The following PA2G4 variants were observed in gnomAD, a reference collection of about 807,000 sequenced individuals.
PA2G4 encodes proliferation-associated protein 2G4.
A neutral mutation model predicts 53.3 loss-of-function variants in PA2G4; 8 were observed. The ratio of observed to expected loss-of-function variants is 0.15; its 90% CI spans 0.09 to 0.27. The LOEUF is 0.27. PA2G4 is among the 10% of genes least tolerant of loss of function. The probability of loss-of-function intolerance (pLI) is 1.00; values close to 1 mark genes in which losing one functional copy is unlikely to be tolerated. For synonymous variants in PA2G4, 143 were observed against 169.8 expected, an observed-to-expected ratio of 0.84 and a Z score of 1.23; for missense variants, 208 against 486.8, an observed-to-expected ratio of 0.43 and a Z score of 5.39.
chr12:56,111,419 T>C, intron 11 of PA2G4, 57 bp from the exon 12 acceptor site: 1 of 1,606,822 alleles, frequency 6.2e-7, no homozygotes, highest in Admixed American at 1.7e-5. Flanking sequence ...AGTAACCCTT[T>C]ATTTTTAATT....
chr12:56,108,486 A>C (rs1245360552), intron 5 of PA2G4, among the ~76,000 whole-genome samples: 1 of 152,218 alleles, frequency 6.6e-6, no homozygotes, highest in Admixed American at 6.5e-5. Context: ...GTACCCATAC[A>C]ACCATTCTGT....
Position 56,112,808 on chromosome 12 carries a change from T to A in PA2G4, c.1120-15T>A. 6.4e-7 allele frequency: 1 copy of A among 1,560,592 alleles called. No homozygotes were observed. The highest frequency in any genetic ancestry group is 1.2e-5 in the South Asian group (1 of 85,576). On this transcript the variant is annotated splice_polypyrimidine_tract_variant and intron_variant, in intron 12 of 12. Coordinates refer to ENST00000303305, the MANE Select transcript of PA2G4 (RefSeq NM_006191.3). Reference sequence around the variant, plus strand: ...AAACTGACAGGTCTTCTCCCTCTCCTTTTCTTGCATATAGGCCTCCAAGAC... The same window carrying A: ...AAACTGACAGGTCTTCTCCCTCTCCATTTCTTGCATATAGGCCTCCAAGAC...
At chr12:56,112,079 G>A (rs953458891) in intron 12 of PA2G4, among the ~76,000 whole-genome samples, 12 of 152,098 alleles carry the variant, frequency 7.9e-5, no homozygotes, top group African/African-American at 2.4e-4. Context: ...GCACCATTGC[G>A]CTCCGGCCTG....
rs1297022321 is a variant in PA2G4, at chr12:56,113,066, T to C, written c.*178T>C. The C allele has an allele frequency of 4.2e-6, 2 of 475,962 alleles. No homozygotes were observed. The highest frequency in any genetic ancestry group is 7.3e-6 in the Non-Finnish European group (2 of 272,996). 29.5% of individuals were successfully genotyped at this position (475,962 alleles called of 1,614,324 possible). A position where few individuals can be genotyped will look rare whatever the true frequency, so the allele number is the denominator to read the frequency against. Reference sequence around the variant, plus strand: ...CCAACAACAACCAGCTCCAACTGACTCTGGTCTTGGGAGGTGAGGCTTCCC... The same window carrying C: ...CCAACAACAACCAGCTCCAACTGACCCTGGTCTTGGGAGGTGAGGCTTCCC... On this transcript the variant is annotated 3_prime_UTR_variant, in exon 13 of 13. Transcript: ENST00000303305.
chr12:56,113,549 G>T lies in PA2G4; in HGVS notation c.*661G>T. 2.8e-6 allele frequency: 1 copy of T among 362,256 alleles called. No individual in the cohort carries two copies. Among genetic ancestry groups the T allele is most frequent in the Non-Finnish European group, 4.9e-6 (1 of 202,414 alleles). The allele number at this position is 362,256 out of a possible 1,614,324, so 22.4% of individuals were successfully genotyped here. A position where few individuals can be genotyped will look rare whatever the true frequency, so the allele number is the denominator to read the frequency against. On this transcript the variant is annotated 3_prime_UTR_variant, in exon 13 of 13. Transcript: ENST00000303305. ...TCTTCCATTTTCACAAAGCTGTAAA[G>T]AAATAATCCATCTCAACCTTACCCT...
chr12:56,106,471 G>A (rs1378965725), intron 1 of PA2G4, 117 bp from the exon 2 acceptor site: 1 of 1,173,548 alleles, frequency 8.5e-7, no homozygotes, highest in African/African-American at 1.6e-5. Flanking sequence ...TTCAGCCTCA[G>A]GGCAATGGCA....
At position 56,111,587 on chromosome 12, in the gene PA2G4, ACT is replaced by A. The variant is rs531191401; in HGVS notation, c.1119+59_1119+60del. Reference sequence around the variant, plus strand: ...GGTGAACCTGATCCCTCTTTCTCCCACTGTGTTAAGTTGTAGTGAAATACGGA... The same window carrying A: ...GGTGAACCTGATCCCTCTTTCTCCCAGTGTTAAGTTGTAGTGAAATACGGA... On this transcript the variant is annotated intron_variant, in intron 12 of 12. Transcript: ENST00000303305. The A allele has an allele frequency of 1.1e-4, 167 of 1,463,580 alleles. No individual in the cohort carries two copies. In the African/African-American group the frequency reaches 2.1e-3, roughly 18 times the overall value. The allele number at this position is 1,463,580 out of a possible 1,614,324, so 90.7% of individuals were successfully genotyped here.
Position 56,106,706 on chromosome 12 carries a change from A to G in PA2G4, c.207A>G (p.Glu69=), listed in dbSNP as rs1390951787. The change falls in exon 2 of 13, where the codon GAA becomes GAG. Residue 69 remains glutamate, a synonymous_variant. Coordinates refer to ENST00000303305, the MANE Select transcript of PA2G4 (RefSeq NM_006191.3). ...ETGKIFKKEK[E]MKKGIAFPTS... ...GGAAAATCTTCAAGAAAGAAAAGGA[A>G]ATGAAGAAAGGTAAAAAAAAAAAAT... 6.3e-7 allele frequency: 1 copy of G among 1,586,000 alleles called. No homozygotes were observed. Among genetic ancestry groups the G allele is most frequent in the Non-Finnish European group, 8.5e-7 (1 of 1,173,766 alleles).
At chr12:56,106,942 G>A in intron 2 of PA2G4, 48 bp from the exon 3 acceptor site, 1 of 1,482,282 alleles carries the variant, frequency 6.7e-7, no homozygotes, top group African/African-American at 1.4e-5. Context: ...GGGCACTAGG[G>A]CTCCCGGGAG....
intron 2 of PA2G4, 32 bp downstream of exon 2, chr12:56,106,748 G>C: frequency 1.3e-6 from 2 of 1,576,044 alleles, no homozygotes; most frequent in South Asian, 1.2e-5. Flanking sequence ...CTAATTTTCC[G>C]TTTGACCCTT....
At chr12:56,110,862 C>G (rs1486347456) in intron 9 of PA2G4, 102 bp from the exon 10 acceptor site, 1 of 1,353,510 alleles carries the variant, frequency 7.4e-7, no homozygotes, top group African/African-American at 1.4e-5. Flanking sequence ...CAATCCTAAG[C>G]ATGATTTCTG....
At chr12:56,106,419 C>T (rs1869302712) in intron 1 of PA2G4, 169 bp from the exon 2 acceptor site, 1 of 654,230 alleles carries the variant, frequency 1.5e-6, no homozygotes, top group African/African-American at 1.9e-5. Flanking sequence ...TGTATATACC[C>T]AGTTGTCACA....
At chr12:56,104,954 A>C in intron 1 of PA2G4, 129 bp downstream of exon 1, 2 of 888,430 alleles carry the variant, frequency 2.3e-6, no homozygotes, top group South Asian at 2.7e-5. Flanking sequence ...TCCGCTGGGC[A>C]CGGCGTGGTG....
chr12:56,108,837 G>A (rs190277254), intron 5 of PA2G4, among the ~76,000 whole-genome samples: 1 of 152,120 alleles, frequency 6.6e-6, no homozygotes, highest in Non-Finnish European at 1.5e-5. Flanking sequence ...ATATTAGAAC[G>A]CTCAGTTCTG....
At chr12:56,108,641 TGTTAGGTAG>T (rs895021330) in intron 5 of PA2G4, among the ~76,000 whole-genome samples, 6 of 152,234 alleles carry the variant, frequency 3.9e-5, no homozygotes, top group African/African-American at 1.2e-4. Context: ...TAGGCTGTGA[TGTTAGGTAG>T]GTTAGGGGTA....
rs368303919 is a variant in PA2G4 at position 56,111,462 on chromosome 12, T to C, written c.1066-14T>C. The C allele has an allele frequency of 8.1e-6, 13 of 1,612,808 alleles. No individual in the cohort carries two copies. In the African/African-American group the frequency reaches 1.5e-4, roughly 18 times the overall value. ...CATTTCTCAAAATTTTTTTCCCTTC[T>C]TCCTGTTTTCCAGGCCCTCCTCCAG... On this transcript the variant is annotated splice_polypyrimidine_tract_variant and intron_variant, in intron 11 of 12. Coordinates refer to ENST00000303305, the MANE Select transcript of PA2G4 (RefSeq NM_006191.3).
At chr12:56,109,980 T>G in intron 7 of PA2G4, 45 bp downstream of exon 7, 1 of 1,381,654 alleles carries the variant, frequency 7.2e-7, no homozygotes, top group Non-Finnish European at 1.0e-6. Flanking sequence ...ACAAGACTAG[T>G]CATCAGGTTT....
chr12:56,107,328 C>A, intron 4 of PA2G4, 72 bp downstream of exon 4: 1 of 1,243,940 alleles, frequency 8.0e-7, no homozygotes, highest in Non-Finnish European at 1.2e-6. Flanking sequence ...CTTCTTATCC[C>A]CACCCCCAAT....
chr12:56,109,786 T>G (rs973522693), intron 6 of PA2G4, 71 bp from the exon 7 acceptor site: 1 of 1,061,698 alleles, frequency 9.4e-7, no homozygotes, highest in Non-Finnish European at 1.5e-6. Context: ...TTCAAACTAC[T>G]GAAGTGGGTG....
Sources: gnomAD v4.1 joint callset for allele counts (sites outside exome capture counted in the v4.1 genomes callset) on GRCh38, gnomAD v4.1.1 for gene constraint, MANE v1.5 for transcripts, NCBI Gene and HGNC (gene_info 2026-07-23, HGNC 2026-07-21) for gene names.